The following CHMP4B variants were observed in gnomAD, a reference collection of about 807,000 sequenced individuals.
CHMP4B encodes the protein charged multivesicular body protein 4B.
A neutral mutation model predicts 25.1 loss-of-function variants in CHMP4B; 1 was observed. The ratio of observed to expected loss-of-function variants is 0.04; its 90% CI spans 0.01 to 0.19. The LOEUF (loss-of-function observed/expected upper bound fraction) is 0.19, where lower values mean the gene tolerates loss of function less well. Ranked by LOEUF, CHMP4B falls within the 10% of genes least tolerant of loss-of-function variation. The pLI, the probability that CHMP4B is intolerant of heterozygous loss-of-function variation, is 1.00. For synonymous variants in CHMP4B, 101 were observed against 115.6 expected, an observed-to-expected ratio of 0.87 and a Z score of 0.81; for missense variants, 151 against 289.7, an observed-to-expected ratio of 0.52 and a Z score of 3.48.
chr20:33,844,906 C>CGGCAGGCGG (rs913897784), intron 1 of CHMP4B, among the ~76,000 whole-genome samples: 4 of 152,124 alleles, frequency 2.6e-5, no homozygotes, highest in African/African-American at 9.7e-5. Context: ...CCACAGGCGC[C>CGGCAGGCGG]TGCCACCACA....
At chr20:33,827,114 TGTTAG>T (rs1979115995) in intron 1 of CHMP4B, among the ~76,000 whole-genome samples, 1 of 152,210 alleles carries the variant, frequency 6.6e-6, no homozygotes, top group African/African-American at 2.4e-5. Context: ...CCTGGCCTCC[TGTTAG>T]CTGTCCTACC....
rs1397442816 is a variant in CHMP4B at position 33,852,263 on chromosome 20, G to A, written c.610+60G>A. 10 of 1,603,024 alleles carry A rather than the reference G, an allele frequency of 6.2e-6. No individual in the cohort carries two copies. In the East Asian group the frequency reaches 8.9e-5, roughly 14 times the overall value. On this transcript the variant is annotated intron_variant, in intron 4 of 4. Coordinates refer to ENST00000217402, the MANE Select transcript of CHMP4B (RefSeq NM_176812.5). ...TCATGTGGCAGGTGATCTTGTGGTC[G>A]GTTGGCTTTGGTTTGTGGTCGGTTG...
intron 3 of CHMP4B, 55 bp downstream of exon 3, chr20:33,851,121 C>A: frequency 9.0e-7 from 1 of 1,109,514 alleles, no homozygotes; most frequent in Non-Finnish European, 1.4e-6. Context: ...CTGAGGCTGT[C>A]CCTTGATGTG....
intron 1 of CHMP4B, among the ~76,000 whole-genome samples, chr20:33,840,732 C>T (rs556396889): frequency 1.2e-3 from 182 of 152,140 alleles, no homozygotes; most frequent in African/African-American, 4.1e-3. Context: ...AGTTAGGTGT[C>T]GGTGTTTTCT....
At chr20:33,847,642 G>A (rs1979722549) in intron 1 of CHMP4B, among the ~76,000 whole-genome samples, 1 of 152,198 alleles carries the variant, frequency 6.6e-6, no homozygotes, top group South Asian at 2.1e-4. Flanking sequence ...GGCCAAGGTA[G>A]ATGATGCCAC....
Position 33,853,521 on chromosome 20 carries a change from C to T in CHMP4B, c.636C>T (p.Asp212=), listed in dbSNP as rs375787255. 527 of 1,613,702 alleles carry T rather than the reference C, an allele frequency of 3.3e-4. No homozygotes were observed. The highest frequency in any genetic ancestry group is 5.5e-4 in the South Asian group (50 of 91,048). The change falls in exon 5 of 5, where the codon GAC becomes GAT. Residue 212 remains aspartate, a synonymous_variant. Transcript: ENST00000217402. The part of the protein sequence containing the change: ...KPAKKKEEED[D]DMKELENWAG... ...CCAAGAAGAAAGAAGAGGAGGACGA[C>T]GACATGAAGGAATTGGAGAACTGGG...
intron 2 of CHMP4B, 113 bp from the exon 3 acceptor site, chr20:33,850,839 G>A (rs1979825883): frequency 1.3e-6 from 1 of 753,272 alleles, no homozygotes; most frequent in Non-Finnish European, 2.4e-6. Context: ...ATTGCAGGGG[G>A]TGTGGCTGGG....
chr20:33,830,932 A>AGTTTTTTTTTTTTTT (rs1979222160), intron 1 of CHMP4B, among the ~76,000 whole-genome samples: 3 of 58,646 alleles, frequency 5.1e-5, no homozygotes, highest in African/African-American at 6.0e-5. Flanking sequence ...AAAGGAACAG[A>AGTTTTTTTTTTTTTT]GTTTTTTTTT....
In CHMP4B at chr20:33,811,468, C is replaced by T. The variant is rs773754220; in HGVS notation, c.-1C>T. Reference sequence around the variant, plus strand: ...GAAGGCCGGCGCGGCGAGCAGCAACCATGTCGGTGTTCGGGAAGCTGTTCG... The same window carrying T: ...GAAGGCCGGCGCGGCGAGCAGCAACTATGTCGGTGTTCGGGAAGCTGTTCG... On this transcript the variant is annotated 5_prime_UTR_variant, in exon 1 of 5. Coordinates refer to ENST00000217402, the MANE Select transcript of CHMP4B (RefSeq NM_176812.5). The T allele has an allele frequency of 1.1e-4, 172 of 1,549,608 alleles. No individual in the cohort carries two copies. Among genetic ancestry groups the T allele is most frequent in the Non-Finnish European group, 1.4e-4 (158 of 1,145,214 alleles).
Position 33,852,255 on chromosome 20 carries a change from T to C in CHMP4B, c.610+52T>C, listed in dbSNP as rs184735204. 5,739 of 1,609,830 alleles carry C rather than the reference T, an allele frequency of 3.6e-3. 199 individuals are homozygous for C. The African/African-American group carries it at 0.069, about 19-fold the overall frequency. On this transcript the variant is annotated intron_variant, in intron 4 of 4. Transcript: ENST00000217402. ...CCGTGAGGTCATGTGGCAGGTGATC[T>C]TGTGGTCGGTTGGCTTTGGTTTGTG...
chr20:33,840,786 C>T (rs1324640604), intron 1 of CHMP4B, among the ~76,000 whole-genome samples: 1 of 152,134 alleles, frequency 6.6e-6, no homozygotes, highest in Non-Finnish European at 1.5e-5. Context: ...TAAGTAATAC[C>T]AGTGACCAAC....
chr20:33,820,877 T>C (rs1197482612), intron 1 of CHMP4B, among the ~76,000 whole-genome samples: 2 of 152,210 alleles, frequency 1.3e-5, no homozygotes, highest in African/African-American at 2.4e-5. Context: ...AGAAGCCTCT[T>C]AGCGGGGACA....
At chr20:33,842,520 A>G (rs1311108359) in intron 1 of CHMP4B, among the ~76,000 whole-genome samples, 1 of 152,184 alleles carries the variant, frequency 6.6e-6, no homozygotes, top group Non-Finnish European at 1.5e-5. Context: ...AGGCAGGCAA[A>G]GTGGGGCCCC....
intron 1 of CHMP4B, among the ~76,000 whole-genome samples, chr20:33,818,857 T>C (rs1978854321): frequency 6.6e-6 from 1 of 152,192 alleles, no homozygotes; most frequent in African/African-American, 2.4e-5. Context: ...GTGCTTCTGT[T>C]CCTTCCTTTT....
At chr20:33,830,933 G>GTTTTTTTTTTTTTTT (rs55917511) in intron 1 of CHMP4B, among the ~76,000 whole-genome samples, 16,202 of 96,040 alleles carry the variant, frequency 0.17, 2,795 homozygotes, top group East Asian at 0.39. Flanking sequence ...AAGGAACAGA[G>GTTTTTTTTTTTTTTT]TTTTTTTTTT....
intron 1 of CHMP4B, among the ~76,000 whole-genome samples, chr20:33,813,733 G>T (rs1020424307): frequency 1.3e-5 from 2 of 152,000 alleles, no homozygotes; most frequent in Non-Finnish European, 2.9e-5. Context: ...TTGTTTGTTT[G>T]TTTGTTTGTT....
Position 33,852,136 on chromosome 20 carries a change from G to A in CHMP4B, c.543G>A (p.Leu181=). 1.2e-6 allele frequency: 2 copies of A among 1,614,218 alleles called. No homozygotes were observed. The highest frequency in any genetic ancestry group is 2.2e-5 in the South Asian group (2 of 91,092). The change falls in exon 4 of 5, where the codon CTG becomes CTA. Residue 181 remains leucine, a synonymous_variant. Coordinates refer to ENST00000217402, the MANE Select transcript of CHMP4B (RefSeq NM_176812.5). Reference sequence around the variant, plus strand: ...AGGAGGAACTAGACAAGAATTTGCTGGAAATCAGTGGACCCGAAACAGTCC... The same window carrying A: ...AGGAGGAACTAGACAAGAATTTGCTAGAAATCAGTGGACCCGAAACAGTCC... ...LEQEELDKNL[L]EISGPETVPL...
chr20:33,841,966 G>A (rs1979554783), intron 1 of CHMP4B, among the ~76,000 whole-genome samples: 1 of 152,120 alleles, frequency 6.6e-6, no homozygotes, highest in Non-Finnish European at 1.5e-5. Flanking sequence ...GGAAACCTGG[G>A]TACTAGTCCT....
rs932030498 is a variant in CHMP4B at position 33,838,626 on chromosome 20, C to T, written c.191-9841C>T. On this transcript the variant is annotated intron_variant, in intron 1 of 4. Transcript: ENST00000217402. ...TGGGTGCTCAGTTTTAGCCTCTGATCGCTGTTTAAATGAAATTCTGCAGCC... is the reference window on the plus strand; with the variant it reads ...TGGGTGCTCAGTTTTAGCCTCTGATTGCTGTTTAAATGAAATTCTGCAGCC... 3.9e-5 allele frequency among the ~76,000 whole-genome samples: 6 copies of T among 152,296 alleles called. No homozygotes were observed. In the East Asian group the frequency reaches 7.7e-4, roughly 20 times the overall value.
Sources: gnomAD v4.1 joint callset for allele counts (sites outside exome capture counted in the v4.1 genomes callset) on GRCh38, gnomAD v4.1.1 for gene constraint, MANE v1.5 for transcripts, NCBI Gene and HGNC (gene_info 2026-07-23, HGNC 2026-07-21) for gene names.